The following NAAA variants were observed in gnomAD, a reference collection of about 807,000 sequenced individuals.
The protein encoded by NAAA is N-acylethanolamine-hydrolyzing acid amidase.
NAAA carries 39 observed loss-of-function variants against 44.8 expected under a neutral mutation model. The observed-to-expected ratio is 0.87, with a 90% CI of 0.67 to 1.14. NAAA has a LOEUF of 1.14. Among genes scored for constraint, NAAA ranks in the 50% most tolerant of loss-of-function variants. NAAA has a pLI of 0.00. For missense variants in NAAA, 460 were observed against 467.8 expected (o/e 0.98, Z 0.15); for synonymous variants, 178 against 191.3 (o/e 0.93, Z 0.58).
rs1181305589 is a variant in NAAA at position 75,927,643 on chromosome 4, C to T, written c.590-1832G>A. On this transcript the variant is annotated intron_variant, in intron 4 of 10. Transcript: ENST00000286733. ...AAAAAAATTTTTAATGCCCCCCCCC[C>T]CCCCGCCAAAAAAAATAGCTAGAAT... 7.4e-5 allele frequency among the ~76,000 whole-genome samples: 9 copies of T among 122,196 alleles called. No individual in the cohort carries two copies. In the South Asian group the frequency reaches 1.1e-3, roughly 15 times the overall value. 80.2% of individuals were successfully genotyped at this position (122,196 alleles called of 152,430 possible). A position where few individuals can be genotyped will look rare whatever the true frequency, so the allele number is the denominator to read the frequency against.
chr4:75,913,654 G>A (rs145907922), downstream of NAAA: 3,045 of 977,816 alleles, frequency 3.1e-3, 5 homozygotes, highest in Non-Finnish European at 3.5e-3. Flanking sequence ...AGAGCATAAC[G>A]CTAAGTTTCT....
intron 5 of NAAA, among the ~76,000 whole-genome samples, chr4:75,925,272 A>T (rs940599688): frequency 1.3e-5 from 2 of 152,086 alleles, no homozygotes; most frequent in South Asian, 2.1e-4. Context: ...CCTGACCTCG[A>T]GATCCACCCT....
chr4:75,937,428 T>TAAATA (rs767757667), intron 2 of NAAA, among the ~76,000 whole-genome samples: 1 of 152,176 alleles, frequency 6.6e-6, no homozygotes, highest in African/African-American at 2.4e-5. Flanking sequence ...CAAACATAAA[T>TAAATA]AAATAAAATA....
chr4:75,928,229 C>A (rs973927221), intron 4 of NAAA, among the ~76,000 whole-genome samples: 1 of 152,178 alleles, frequency 6.6e-6, no homozygotes, highest in Admixed American at 6.5e-5. Flanking sequence ...CATGCAATAT[C>A]TGTCACAGTA....
chr4:75,927,086 G>T (rs1263333638), intron 4 of NAAA, among the ~76,000 whole-genome samples: 1 of 152,106 alleles, frequency 6.6e-6, no homozygotes, highest in Non-Finnish European at 1.5e-5. Context: ...CACATGAAAA[G>T]ATATTCCATA....
downstream of NAAA, among the ~76,000 whole-genome samples, chr4:75,912,293 G>A (rs140461030): frequency 1.8e-3 from 273 of 151,870 alleles, no homozygotes; most frequent in African/African-American, 6.1e-3. Context: ...GGTGGCTCAC[G>A]CCTGTAATCC....
chr4:75,935,072 T>C (rs1196222800), intron 3 of NAAA: 1 of 152,246 alleles, frequency 6.6e-6, no homozygotes, highest in Non-Finnish European at 1.5e-5. Context: ...TATGCATTTA[T>C]ATTATCGTTA....
chr4:75,914,247 G>A lies in NAAA; in HGVS notation c.*128C>T. The stretch of plus-strand genomic sequence containing the variant: ...GGTTGTAAAGTTAAATGAGGAAGGA[G>A]CCTGCATTGTTTGTAACATAATACA... On this transcript the variant is annotated 3_prime_UTR_variant, in exon 11 of 11. Coordinates refer to ENST00000286733, the MANE Select transcript of NAAA (RefSeq NM_014435.4). 1.0e-6 allele frequency: 1 copy of A among 985,664 alleles called. No homozygotes were observed. Among genetic ancestry groups the A allele is most frequent in the Non-Finnish European group, 1.2e-6 (1 of 829,862 alleles). 61.1% of individuals were successfully genotyped at this position (985,664 alleles called of 1,614,324 possible). A position where few individuals can be genotyped will look rare whatever the true frequency, so the allele number is the denominator to read the frequency against.
rs1046216783 is a variant in NAAA at position 75,914,003 on chromosome 4, C to A, written c.*372G>T. 16 of 985,376 alleles carry A rather than the reference C, an allele frequency of 1.6e-5. No homozygotes were observed. Among genetic ancestry groups the A allele is most frequent in the Non-Finnish European group, 1.8e-5 (15 of 829,928 alleles). 61.0% of individuals were successfully genotyped at this position (985,376 alleles called of 1,614,324 possible). On this transcript the variant is annotated 3_prime_UTR_variant, in exon 11 of 11. Coordinates refer to ENST00000286733, the MANE Select transcript of NAAA (RefSeq NM_014435.4). ...GAACAGAGGTCTTGCCAGCTCATTT[C>A]ATTAGCGGAGAAGCAAAGGTATGAT...
At chr4:75,922,012 A>G (rs539916394) in intron 5 of NAAA, among the ~76,000 whole-genome samples, 2 of 152,146 alleles carry the variant, frequency 1.3e-5, no homozygotes, top group African/African-American at 4.8e-5. Flanking sequence ...TCCTGTCTCC[A>G]CCTTCACAAC....
At chr4:75,939,874 C>T (rs1303489355) in intron 2 of NAAA, 127 bp downstream of exon 2, 1 of 1,072,732 alleles carries the variant, frequency 9.3e-7, no homozygotes, top group Non-Finnish European at 1.4e-6. Context: ...AGAGGAAGCG[C>T]TGGAGGTTTC....
intron 9 of NAAA, 92 bp downstream of exon 9, chr4:75,918,669 A>T: frequency 7.4e-7 from 1 of 1,357,962 alleles, no homozygotes; most frequent in Non-Finnish European, 1.1e-6. Context: ...TGGTTACAGG[A>T]GCCCTCAGAT....
chr4:75,931,346 C>T (rs1479587178), intron 3 of NAAA, 42 bp from the exon 4 acceptor site: 3 of 1,450,136 alleles, frequency 2.1e-6, no homozygotes, highest in Admixed American at 3.4e-5. Context: ...CCATTCCAAT[C>T]AAATACACTG....
rs1010038257 is a variant in NAAA at position 75,932,909 on chromosome 4, C to G, written c.499-1605G>C. On this transcript the variant is annotated intron_variant, in intron 3 of 10. Coordinates refer to ENST00000286733, the MANE Select transcript of NAAA (RefSeq NM_014435.4). ...CAGCACTTTGGGAGGCCAAGGTAGG[C>G]GGATCACTTGAGGCCAGGAATTTAA... is the stretch of plus-strand genomic sequence containing the variant. 6.6e-5 allele frequency among the ~76,000 whole-genome samples: 10 copies of G among 152,130 alleles called. No homozygotes were observed. The East Asian group carries it at 1.9e-3, about 30-fold the overall frequency.
downstream of NAAA, among the ~76,000 whole-genome samples, chr4:75,912,983 G>A (rs952153343): frequency 1.3e-5 from 2 of 152,094 alleles, no homozygotes; most frequent in African/African-American, 4.8e-5. Context: ...GGGGAGCGAT[G>A]TTCTGTACCT....
At chr4:75,930,188 T>C (rs1727104319) in intron 4 of NAAA, among the ~76,000 whole-genome samples, 1 of 152,176 alleles carries the variant, frequency 6.6e-6, no homozygotes, top group African/African-American at 2.4e-5. Flanking sequence ...AACTTCAAGA[T>C]ACTCCTTGTA....
intron 7 of NAAA, 63 bp from the exon 8 acceptor site, chr4:75,920,038 C>T: frequency 7.0e-7 from 1 of 1,436,606 alleles, no homozygotes; most frequent in Non-Finnish European, 9.8e-7. Context: ...CATCAGCTGT[C>T]ATTTTTGGGA....
At chr4:75,930,593 G>T in intron 4 of NAAA, 1 of 439,768 alleles carries the variant, frequency 2.3e-6, no homozygotes, top group Non-Finnish European at 4.5e-6. Context: ...TTTCCAAATG[G>T]TCTTCTGCTT....
At chr4:75,912,935 G>A (rs7662929), downstream of NAAA, among the ~76,000 whole-genome samples, 13,778 of 152,104 alleles carry the variant, frequency 0.091, 1,129 homozygotes, top group African/African-American at 0.22. Flanking sequence ...GAAGAAACAC[G>A]AATATTCTGG....
Sources: gnomAD v4.1 joint callset for allele counts (sites outside exome capture counted in the v4.1 genomes callset) on GRCh38, gnomAD v4.1.1 for gene constraint, MANE v1.5 for transcripts, NCBI Gene and HGNC (gene_info 2026-07-23, HGNC 2026-07-21) for gene names.